TPGS2: variants seen among roughly 807,000 people sequenced by gnomAD.
The protein encoded by TPGS2 is polyglutamylase subunit 2.
Under a neutral mutation model 31.1 loss-of-function variants are expected in TPGS2, and 26 were observed. The ratio of observed to expected loss-of-function variants is 0.84; its 90% CI spans 0.61 to 1.16. TPGS2 has a LOEUF of 1.16. Among genes scored for constraint, TPGS2 ranks in the 50% most tolerant of loss-of-function variants. The pLI is 0.00. For missense variants in TPGS2, 351 were observed against 363.8 expected, an observed-to-expected ratio of 0.96 and a Z score of 0.29; for synonymous variants, 130 against 136.6, an observed-to-expected ratio of 0.95 and a Z score of 0.34.
At chr18:36,791,086 A>C (rs987552341), downstream of TPGS2, among the ~76,000 whole-genome samples, 3 of 152,034 alleles carry the variant, frequency 2.0e-5, no homozygotes, top group Non-Finnish European at 2.9e-5. Context: ...CTGGTTGCTT[A>C]CTAGTGTGTA....
chr18:36,821,587 A>G (rs896271219), intron 1 of TPGS2, among the ~76,000 whole-genome samples: 4 of 152,230 alleles, frequency 2.6e-5, no homozygotes, highest in African/African-American at 9.6e-5. Flanking sequence ...TAAGTAGGAG[A>G]CACTGTTTCA....
At chr18:36,805,632 G>C in intron 3 of TPGS2, 130 bp from the exon 4 acceptor site, 1 of 1,278,748 alleles carries the variant, frequency 7.8e-7, no homozygotes, top group Middle Eastern at 2.3e-4. Context: ...CTGATGGAAG[G>C]TGGGAAGAAG....
chr18:36,781,138 G>A (rs2044001115), downstream of TPGS2, among the ~76,000 whole-genome samples: 1 of 152,142 alleles, frequency 6.6e-6, no homozygotes, highest in African/African-American at 2.4e-5. Context: ...AGATCAGATG[G>A]GAAGGCACTG....
intron 1 of TPGS2, among the ~76,000 whole-genome samples, chr18:36,822,241 A>C (rs2045927271): frequency 6.6e-6 from 1 of 152,232 alleles, no homozygotes. Context: ...AACACTGCAA[A>C]TATATTGTTG....
rs2044530637 is a variant in TPGS2, at chr18:36,796,494, C to T, written c.*311G>A. 1.8e-6 allele frequency: 2 copies of T among 1,105,090 alleles called. No individual in the cohort carries two copies. The highest frequency in any genetic ancestry group is 1.1e-6 in the Non-Finnish European group (1 of 909,060). 68.5% of individuals were successfully genotyped at this position (1,105,090 alleles called of 1,614,324 possible). A position where few individuals can be genotyped will look rare whatever the true frequency, so the allele number is the denominator to read the frequency against. On this transcript the variant is annotated 3_prime_UTR_variant, in exon 7 of 7. Coordinates refer to ENST00000334295, the MANE Select transcript of TPGS2 (RefSeq NM_015476.4). ...AAAACCAGTGGTTTCTTTGGGGGACCTCTCTAATCAATCAGTGCTAAGGGA... is the reference window on the plus strand; with the variant it reads ...AAAACCAGTGGTTTCTTTGGGGGACTTCTCTAATCAATCAGTGCTAAGGGA...
At chr18:36,799,827 T>C (rs539952844) in intron 5 of TPGS2, among the ~76,000 whole-genome samples, 1 of 152,286 alleles carries the variant, frequency 6.6e-6, no homozygotes, top group Admixed American at 6.5e-5. Flanking sequence ...TTCAGGTTTT[T>C]ATTGCTGTTA....
chr18:36,786,586 T>A (rs530527025), intron 6 of TPGS2: 3 of 316,874 alleles, frequency 9.5e-6, no homozygotes, highest in Admixed American at 5.0e-5. Flanking sequence ...CTTTAGATCC[T>A]GTTTATTATT....
chr18:36,819,930 G>T (rs1302932493), intron 1 of TPGS2, among the ~76,000 whole-genome samples: 1 of 152,200 alleles, frequency 6.6e-6, no homozygotes, highest in East Asian at 1.9e-4. Context: ...GTATGGCAGT[G>T]CATACATGTT....
At chr18:36,798,939 G>A (rs541922652) in intron 5 of TPGS2, among the ~76,000 whole-genome samples, 2 of 152,268 alleles carry the variant, frequency 1.3e-5, no homozygotes, top group African/African-American at 4.8e-5. Flanking sequence ...CCCCCGGTAG[G>A]GGGGCGGAAT....
rs562998095 is a variant in TPGS2, at chr18:36,784,802, C to T, written c.658-1671G>A. Among the ~76,000 whole-genome samples the T allele has an allele frequency of 1.9e-4, 29 of 152,322 alleles. No homozygotes were observed. The South Asian group carries it at 6.0e-3, about 32-fold the overall frequency. ...ACGTGATATATACTGGCTTGTCTCA[C>T]TAGTTCCTGGTTATTTTCTTGTTCT... On this transcript the variant is annotated intron_variant, in intron 6 of 6. Coordinates refer to the TPGS2 transcript ENST00000587129.
chr18:36,819,358 A>C (rs2045799311), intron 1 of TPGS2, among the ~76,000 whole-genome samples: 1 of 152,234 alleles, frequency 6.6e-6, no homozygotes, highest in South Asian at 2.1e-4. Context: ...AACTTTTATA[A>C]GACATAAAAC....
intron 4 of TPGS2, among the ~76,000 whole-genome samples, chr18:36,803,863 C>T (rs1214929511): frequency 6.6e-6 from 1 of 151,904 alleles, no homozygotes; most frequent in Admixed American, 6.6e-5. Context: ...TTATCTGTGT[C>T]CTCTAGCAGT....
intron 1 of TPGS2, among the ~76,000 whole-genome samples, chr18:36,824,743 T>A (rs1195356766): frequency 6.6e-6 from 1 of 152,256 alleles, no homozygotes; most frequent in Non-Finnish European, 1.5e-5. Flanking sequence ...TCTTTGCAGA[T>A]CTGTAAGTTC....
intron 6 of TPGS2, 151 bp from the exon 7 acceptor site, chr18:36,797,201 A>G: frequency 6.9e-7 from 1 of 1,440,002 alleles, no homozygotes; most frequent in Non-Finnish European, 9.2e-7. Context: ...TCTTCCTTTA[A>G]GTGGAGGTGA....
At chr18:36,818,305 C>A (rs1568027566) in intron 2 of TPGS2, among the ~76,000 whole-genome samples, 2 of 151,410 alleles carry the variant, frequency 1.3e-5, no homozygotes, top group South Asian at 4.2e-4. Context: ...ACATTCATAA[C>A]AATCTATACT....
At chr18:36,781,079 T>C (rs2043999540), downstream of TPGS2, among the ~76,000 whole-genome samples, 2 of 152,210 alleles carry the variant, frequency 1.3e-5, no homozygotes, top group African/African-American at 4.8e-5. Context: ...ATCACTGTTC[T>C]GTGGCACATT....
chr18:36,816,193 T>C (rs1459994260), intron 2 of TPGS2, among the ~76,000 whole-genome samples: 9 of 152,214 alleles, frequency 5.9e-5, no homozygotes, highest in African/African-American at 2.2e-4. Flanking sequence ...TACCCCTTAA[T>C]CCTTTTAGAC....
chr18:36,815,347 G>C (rs892251656), intron 2 of TPGS2, among the ~76,000 whole-genome samples: 7 of 152,160 alleles, frequency 4.6e-5, no homozygotes, highest in African/African-American at 1.7e-4. Context: ...TAAGAAAATA[G>C]CATGTTGAGT....
chr18:36,827,646 A>G (rs984550451), intron 1 of TPGS2, among the ~76,000 whole-genome samples: 1 of 152,220 alleles, frequency 6.6e-6, no homozygotes, highest in African/African-American at 2.4e-5. Flanking sequence ...GCACTGAAGC[A>G]TGCTTTTCAG....
Sources: allele counts gnomAD v4.1 joint callset (sites outside exome capture counted in the v4.1 genomes callset), GRCh38; gene constraint gnomAD v4.1.1; transcripts MANE v1.5; gene names NCBI Gene and HGNC (gene_info 2026-07-23, HGNC 2026-07-21).